TNXB: variants seen among roughly 807,000 people sequenced by gnomAD.
TNXB encodes tenascin-X.
A neutral mutation model predicts 340.5 loss-of-function variants in TNXB; 183 were observed. The ratio of observed to expected loss-of-function variants is 0.54; its 90% confidence interval spans 0.48 to 0.61. The LOEUF (loss-of-function observed/expected upper bound fraction) is 0.61, where lower values mean the gene tolerates loss of function less well. Among genes scored for constraint, TNXB ranks in the 20% least tolerant of loss-of-function variants. TNXB has a pLI of 0.00. For missense variants in TNXB, 4,613 were observed against 5,446.4 expected (o/e 0.85, Z 4.82); for synonymous variants, 2,121 against 2,314.5 (o/e 0.92, Z 2.40).
intron 21 of TNXB, among the ~76,000 whole-genome samples, chr6:32,059,360 A>C (rs1157324665): frequency 6.7e-6 from 1 of 149,004 alleles, no homozygotes; most frequent in Non-Finnish European, 1.5e-5. Flanking sequence ...CAGAGGTTGC[A>C]GTGAGCTGAG....
intron 29 of TNXB, 78 bp from the exon 30 acceptor site, chr6:32,048,090 T>A: frequency 6.7e-7 from 1 of 1,497,928 alleles, no homozygotes; most frequent in Non-Finnish European, 9.0e-7. Flanking sequence ...GCTATGGCTC[T>A]GTGAGCCGGT....
chr6:32,046,263 G>T lies in TNXB; in HGVS notation c.10518C>A (p.Asp3506Glu). The T allele has an allele frequency of 1.2e-6, 2 of 1,605,900 alleles. No homozygotes were observed. Among genetic ancestry groups the T allele is most frequent in the Non-Finnish European group, 1.7e-6 (2 of 1,177,912 alleles). Residue 3506 changes from aspartate (D) to glutamate (E), a missense_variant, in exon 31 of 44, where the codon GAC (aspartate) becomes GAA (glutamate). Around this residue, in one of 7 missense-constraint regions of TNXB, gnomAD observed 4,327 missense variants for 4,859.4 expected, o/e 0.89. Coordinates refer to ENST00000644971, the MANE Select transcript of TNXB (RefSeq NM_001365276.2). This position sits in a 1 kb window ranked among gnomAD's most constrained non-coding sequence, Gnocchi z 6.9. ...AADQRTVTVEDLEPGKKYKFL... is the reference protein window; with the variant it reads ...AADQRTVTVEELEPGKKYKFL... ...ACTTGTATTTCTTGCCAGGCTCCAG[G>T]TCCTCTACGGTGACTGTGCGCTGGT...
At position 32,064,884 on chromosome 6, in the gene TNXB, T is replaced by G; in HGVS notation, c.6778A>C (p.Met2260Leu). ...SGLEPDHKYK[M>L]NLYGFHGGQR... ...CCACCGTGGAAGCCGTACAGGTTCATCTTGTACTTGTGGTCTGGCTCCAGG... is the reference window on the plus strand; with the variant it reads ...CCACCGTGGAAGCCGTACAGGTTCAGCTTGTACTTGTGGTCTGGCTCCAGG... Residue 2260 changes from methionine (M) to leucine (L), a missense_variant, in exon 19 of 44, where the codon ATG becomes CTG. Coordinates refer to ENST00000644971, the MANE Select transcript of TNXB (RefSeq NM_001365276.2). This position sits in a 1 kb window ranked among gnomAD's most constrained non-coding sequence, Gnocchi z 5.3. 3.1e-6 allele frequency: 5 copies of G among 1,612,624 alleles called. No individual in the cohort carries two copies. The highest frequency in any genetic ancestry group is 4.2e-6 in the Non-Finnish European group (5 of 1,179,850).
Position 32,050,163 on chromosome 6 carries a change from C to A in TNXB, c.9274G>T (p.Val3092Phe). Reference protein sequence around the residue: ...VPEGQFDHFLVQYRNGDGQPK... With the variant: ...VPEGQFDHFLFQYRNGDGQPK... ...TGCCCATCCCCATTCCTGTACTGGA[C>A]CAGGAAGTGGTCAAACTGGCCCTCG... Residue 3092 changes from valine (V) to phenylalanine (F), a missense_variant, in exon 27 of 44, where the codon GTC (valine) becomes TTC (phenylalanine). By Grantham distance (50) the Val-to-Phe change is conservative. Around this residue, in one of 7 missense-constraint regions of TNXB, gnomAD observed 4,327 missense variants for 4,859.4 expected, o/e 0.89. Coordinates refer to ENST00000644971, the MANE Select transcript of TNXB (RefSeq NM_001365276.2). 6.2e-7 allele frequency: 1 copy of A among 1,613,854 alleles called. No homozygotes were observed. The highest frequency in any genetic ancestry group is 1.1e-5 in the South Asian group (1 of 91,092).
At position 32,089,678 on chromosome 6, in the gene TNXB, C is replaced by T. The variant is rs903009071; in HGVS notation, c.2359-299G>A. Among the ~76,000 whole-genome samples, 4 of 152,198 alleles carry T rather than the reference C, an allele frequency of 2.6e-5. No individual in the cohort carries two copies. Among genetic ancestry groups the T allele is most frequent in the South Asian group, 2.1e-4 (1 of 4,828 alleles). On this transcript the variant is annotated intron_variant, in intron 4 of 43. Transcript: ENST00000644971. This position sits in a 1 kb window ranked among gnomAD's most constrained non-coding sequence, Gnocchi z 6.2. ...CACAGAAGGACAAGTATCTTGCCAA[C>T]GTCACCAACACCAAGAAAATGGCAA...
chr6:32,091,325 G>T (rs2127277711), intron 4 of TNXB, among the ~76,000 whole-genome samples: 1 of 150,904 alleles, frequency 6.6e-6, no homozygotes, highest in African/African-American at 2.4e-5. Flanking sequence ...GGTCAGGCTG[G>T]TCTCGAACTC....
At position 32,084,329 on chromosome 6, in the gene TNXB, G is replaced by A. The variant is rs573873495; in HGVS notation, c.3445+84C>T. ...ACCACTGCCTCCAGGAAGCCTTCCCGGAGCTCCCAAAGCAGGTTCCCAAAG... is the reference window on the plus strand; with the variant it reads ...ACCACTGCCTCCAGGAAGCCTTCCCAGAGCTCCCAAAGCAGGTTCCCAAAG... On this transcript the variant is annotated intron_variant, in intron 8 of 43. Transcript: ENST00000644971. This position sits in a 1 kb window ranked among gnomAD's most constrained non-coding sequence, Gnocchi z 5.5. 6.0e-4 allele frequency: 815 copies of A among 1,360,836 alleles called. 1 individual carries two copies. The highest frequency in any genetic ancestry group is 9.5e-4 in the East Asian group (40 of 41,928). 84.3% of individuals were successfully genotyped at this position (1,360,836 alleles called of 1,614,324 possible).
chr6:32,061,730 A>C lies in TNXB; in HGVS notation c.7169-10T>G. 1 of 1,606,786 alleles carries C rather than the reference A, an allele frequency of 6.2e-7. No individual in the cohort carries two copies. The highest frequency in any genetic ancestry group is 1.1e-5 in the South Asian group (1 of 90,910). ...GTCTCTTCCTCTGCAGCTGAGAAAAAGGGACACAGAGAGGATGGCAGGGTC... is the reference window on the plus strand; with the variant it reads ...GTCTCTTCCTCTGCAGCTGAGAAAACGGGACACAGAGAGGATGGCAGGGTC... On this transcript the variant is annotated splice_polypyrimidine_tract_variant and intron_variant, in intron 20 of 43. Coordinates refer to ENST00000644971, the MANE Select transcript of TNXB (RefSeq NM_001365276.2). This position sits in a 1 kb window ranked among gnomAD's most constrained non-coding sequence, Gnocchi z 4.4.
rs1778568122 is a variant in TNXB at position 32,068,830 on chromosome 6, G to A, written c.5894C>T (p.Ala1965Val). 2 of 1,605,216 alleles carry A rather than the reference G, an allele frequency of 1.2e-6. No homozygotes were observed. The highest frequency in any genetic ancestry group is 8.5e-7 in the Non-Finnish European group (1 of 1,174,046). ...GTGGGCAGAGTTCTCACCTGTCAGG[G>A]CCTCGACATGGACAGGACCTACATG... ...GKHVGPVHVE[A>V]LTVPEEEKPS... The change falls in exon 16 of 44, where the codon GCC becomes GTC. Residue 1965 changes from alanine (A) to valine (V), a missense_variant. Ala to Val is a moderately conservative substitution (Grantham distance 64). Around this residue, in one of 7 missense-constraint regions of TNXB, gnomAD observed 4,327 missense variants for 4,859.4 expected, o/e 0.89. Transcript: ENST00000644971. This position sits in a 1 kb window ranked among gnomAD's most constrained non-coding sequence, Gnocchi z 5.3.
intron 1 of TNXB, among the ~76,000 whole-genome samples, chr6:32,098,615 G>A (rs1476233930): frequency 6.6e-6 from 1 of 152,064 alleles, no homozygotes; most frequent in Non-Finnish European, 1.5e-5. Flanking sequence ...TGAGTAGCTG[G>A]GATTACAGGC....
In TNXB at chr6:32,067,132, G is replaced by GAAGGAAGAAAGAAAGAAAGAAAGAAAGA. The variant is rs878879249; in HGVS notation, c.6544+528_6544+529insTCTTTCTTTCTTTCTTTCTTTCTTCCTT. Among the ~76,000 whole-genome samples the GAAGGAAGAAAGAAAGAAAGAAAGAAAGA allele has an allele frequency of 2.5e-4, 29 of 118,074 alleles. No individual in the cohort carries two copies. The highest frequency in any genetic ancestry group is 7.2e-4 in the African/African-American group (22 of 30,502). The allele number at this position is 118,074 out of a possible 152,430, so 77.5% of individuals were successfully genotyped here. ...AAGAAAGAGAAAGAAAGAAAGGAAGGAAGAAAGAAAGAAAGAAAGAAAGAA... is the reference window on the plus strand; with the variant it reads ...AAGAAAGAGAAAGAAAGAAAGGAAGGAAGGAAGAAAGAAAGAAAGAAAGAAAGAAAGAAAGAAAGAAAGAAAGAAAGAA... On this transcript the variant is annotated intron_variant, in intron 18 of 43. Coordinates refer to ENST00000644971, the MANE Select transcript of TNXB (RefSeq NM_001365276.2). This position sits in a 1 kb window ranked among gnomAD's most constrained non-coding sequence, Gnocchi z 4.2.
rs746437915 is a variant in TNXB at position 32,052,901 on chromosome 6, C to G, written c.8884G>C (p.Gly2962Arg). 6.2e-7 allele frequency: 1 copy of G among 1,612,862 alleles called. No individual in the cohort carries two copies. The highest frequency in any genetic ancestry group is 1.1e-5 in the South Asian group (1 of 91,084). The part of the protein sequence containing the change: ...EPLLGELTVT[G>R]SSPDSLSLSW... ...AGGCTCAGCGAGTCAGGGGAGGATC[C>G]TGTCACTGTCAGCTCCCCCAGGAGC... The change falls in exon 26 of 44, where the codon GGA becomes CGA. Residue 2962 changes from glycine to arginine, a missense_variant. This residue lies in a region of TNXB where 4,327 missense variants were observed against 4,859.4 expected (regional missense o/e 0.89). Transcript: ENST00000644971. The surrounding 1 kb of genome is among the most constrained non-coding windows in gnomAD (Gnocchi z 4.7).
intron 4 of TNXB, chr6:32,093,146 T>G: frequency 2.1e-6 from 1 of 481,134 alleles, no homozygotes; most frequent in Non-Finnish European, 3.7e-6. Flanking sequence ...CTTAAGAAAC[T>G]TCCTTTTCGA....
rs140969275 is a variant in TNXB at position 32,048,271 on chromosome 6, G to T, written c.10045+92C>A. On this transcript the variant is annotated intron_variant, in intron 29 of 43. Coordinates refer to ENST00000644971, the MANE Select transcript of TNXB (RefSeq NM_001365276.2). ...ACCCAATAAATCAGTGGGTGCTGAG[G>T]ACTGGAGTGTGGGGCACAGAACGTG... 21 of 1,345,692 alleles carry T rather than the reference G, an allele frequency of 1.6e-5. No individual in the cohort carries two copies. The East Asian group carries it at 3.9e-4, about 25-fold the overall frequency. 83.4% of individuals were successfully genotyped at this position (1,345,692 alleles called of 1,614,324 possible).
chr6:32,062,264 T>C lies in TNXB; in HGVS notation c.7061A>G (p.Asp2354Gly), dbSNP rs776422892. Residue 2354 changes from aspartate to glycine, a missense_variant, in exon 20 of 44, where the codon GAC (aspartate) becomes GGC (glycine). Transcript: ENST00000644971. This position sits in a 1 kb window ranked among gnomAD's most constrained non-coding sequence, Gnocchi z 4.3. ...PKATRVPGHE[D>G]RVTISGLEPD... ...CTCCAGGCCGGAGATGGTGACCCTG[T>C]CCTCATGTCCTGGCACCCGTGTTGC... The C allele has an allele frequency of 1.5e-5, 25 of 1,613,218 alleles. No homozygotes were observed. The highest frequency in any genetic ancestry group is 1.9e-5 in the Non-Finnish European group (23 of 1,179,862).
In TNXB at chr6:32,043,156, C is replaced by T; in HGVS notation, c.11794+19G>A. 7 of 194,616 alleles carry T rather than the reference C, an allele frequency of 3.6e-5. No individual in the cohort carries two copies. The highest frequency in any genetic ancestry group is 6.3e-5 in the Non-Finnish European group (7 of 111,804). The allele number at this position is 194,616 out of a possible 1,614,324, so 12.1% of individuals were successfully genotyped here. A position where few individuals can be genotyped will look rare whatever the true frequency, so the allele number is the denominator to read the frequency against. On this transcript the variant is annotated intron_variant, in intron 37 of 43. Coordinates refer to ENST00000644971, the MANE Select transcript of TNXB (RefSeq NM_001365276.2). ...CCCTCTACCTCCTCTCCCTGTCCCA[C>T]ACACCCCACAGACCCTACCTGTGGT...
rs1333951751 is a variant in TNXB at position 32,067,713 on chromosome 6, G to A, written c.6492C>T (p.Tyr2164=). The change falls in exon 18 of 44, where the codon TAC becomes TAT. Residue 2164 remains tyrosine (Y), a synonymous_variant. Coordinates refer to ENST00000644971, the MANE Select transcript of TNXB (RefSeq NM_001365276.2). The surrounding 1 kb of genome is among the most constrained non-coding windows in gnomAD (Gnocchi z 4.2). ...EPGRKYKMHL[Y]GLHEGRRVGP... The stretch of plus-strand genomic sequence containing the variant: ...CCACGCGCCGCCCCTCGTGGAGGCC[G>A]TACAGGTGCATCTTGTACTTGCGCC... 5 of 1,613,754 alleles carry A rather than the reference G, an allele frequency of 3.1e-6. No individual in the cohort carries two copies. Among genetic ancestry groups the A allele is most frequent in the African/African-American group, 2.7e-5 (2 of 74,918 alleles).
Position 32,067,936 on chromosome 6 carries a change from G to A in TNXB, c.6269C>T (p.Pro2090Leu), listed in dbSNP as rs201997500. 36 of 1,612,314 alleles carry A rather than the reference G, an allele frequency of 2.2e-5. No homozygotes were observed. Among genetic ancestry groups the A allele is most frequent in the African/African-American group, 1.3e-4 (10 of 74,882 alleles). The change falls in exon 18 of 44, where the codon CCG (proline) becomes CTG (leucine). Residue 2090 changes from proline (P) to leucine (L), a missense_variant. Physicochemically the swap from Pro to Leu is moderately conservative, Grantham distance 98. Coordinates refer to ENST00000644971, the MANE Select transcript of TNXB (RefSeq NM_001365276.2). This position sits in a 1 kb window ranked among gnomAD's most constrained non-coding sequence, Gnocchi z 4.2. ...PSPTEPSMEA[P>L]EPAEEPLLGE... ...CAGGAGCGGCTCCTCAGCGGGCTCC[G>A]GGGCCTCCATGCTGGGTTCTGTGGG... is the stretch of plus-strand genomic sequence containing the variant.
intron 11 of TNXB, among the ~76,000 whole-genome samples, chr6:32,076,068 G>T (rs1779067614): frequency 6.6e-6 from 1 of 152,146 alleles, no homozygotes; most frequent in South Asian, 2.1e-4. Context: ...CTATGTACAG[G>T]TACCAGGCTG....
Sources: gnomAD v4.1 joint callset for allele counts (sites outside exome capture counted in the v4.1 genomes callset) on GRCh38, gnomAD v4.1.1 for gene constraint, gnomAD v4.1.1 regional missense constraint, Gnocchi (gnomAD v3.1) non-coding constraint, MANE v1.5 for transcripts, NCBI Gene and HGNC (gene_info 2026-07-23, HGNC 2026-07-21) for gene names.